The following ADCY2 variants were observed in gnomAD, a reference collection of about 807,000 sequenced individuals.
ADCY2 encodes the protein adenylate cyclase 2.
ADCY2 carries 31 observed loss-of-function variants against 125.2 expected under a neutral mutation model. The observed-to-expected ratio is 0.25, with a 90% confidence interval of 0.19 to 0.33. The LOEUF (loss-of-function observed/expected upper bound fraction) is 0.33. Among genes scored for constraint, ADCY2 ranks in the 10% least tolerant of loss-of-function variants. The probability of loss-of-function intolerance (pLI) is 1.00; values close to 1 mark genes in which losing one functional copy is unlikely to be tolerated. For synonymous variants in ADCY2, 512 were observed against 548.4 expected (o/e 0.93, Z 0.93); for missense variants, 904 against 1,418.2 (o/e 0.64, Z 5.82).
chr5:7,519,215 C>A (rs937474084), intron 2 of ADCY2, among the ~76,000 whole-genome samples: 3 of 152,168 alleles, frequency 2.0e-5, no homozygotes, highest in Non-Finnish European at 4.4e-5. Flanking sequence ...ATACGTGGTG[C>A]AGATTCCCAG....
intron 24 of ADCY2, among the ~76,000 whole-genome samples, chr5:7,824,278 G>C (rs981542724): frequency 3.3e-5 from 5 of 152,176 alleles, no homozygotes; most frequent in African/African-American, 1.2e-4. Context: ...CAACCCTGCG[G>C]CTTCTCCTAG....
At chr5:7,434,570 A>G (rs2126383859) in intron 2 of ADCY2, among the ~76,000 whole-genome samples, 1 of 152,348 alleles carries the variant, frequency 6.6e-6, no homozygotes, top group East Asian at 1.9e-4. Context: ...CAAGTGTAGG[A>G]CATATAAACT....
intron 23 of ADCY2, among the ~76,000 whole-genome samples, chr5:7,820,145 G>T (rs547588017): frequency 6.6e-6 from 1 of 152,304 alleles, no homozygotes; most frequent in Admixed American, 6.5e-5. Flanking sequence ...TACCTGCAAA[G>T]GTACTGCTTG....
At chr5:7,813,687 T>C (rs1450442873) in intron 22 of ADCY2, among the ~76,000 whole-genome samples, 1 of 152,240 alleles carries the variant, frequency 6.6e-6, no homozygotes, top group African/African-American at 2.4e-5. Flanking sequence ...TAAGCCCAAA[T>C]GACTTACTGA....
chr5:7,622,365 G>A (rs1196404789), intron 3 of ADCY2, among the ~76,000 whole-genome samples: 2 of 152,184 alleles, frequency 1.3e-5, no homozygotes, highest in Non-Finnish European at 2.9e-5. Context: ...ATACAAGGAT[G>A]AAACCGGGTA....
chr5:7,672,491 G>A (rs1050215949), intron 4 of ADCY2, among the ~76,000 whole-genome samples: 1 of 151,716 alleles, frequency 6.6e-6, no homozygotes, highest in Non-Finnish European at 1.5e-5. Context: ...TTTTTATATT[G>A]TTAGATGATT....
chr5:7,763,313 G>A (rs944526851), intron 16 of ADCY2, among the ~76,000 whole-genome samples: 1 of 151,562 alleles, frequency 6.6e-6, no homozygotes, highest in African/African-American at 2.4e-5. Flanking sequence ...AGATGGTCTC[G>A]ATCTCCTGAC....
chr5:7,457,259 C>T (rs1344526652), intron 2 of ADCY2, among the ~76,000 whole-genome samples: 1 of 152,180 alleles, frequency 6.6e-6, no homozygotes, highest in African/African-American at 2.4e-5. Flanking sequence ...AGTACTATAA[C>T]AAACCACCCC....
intron 14 of ADCY2, among the ~76,000 whole-genome samples, chr5:7,739,143 T>A (rs1742339032): frequency 6.6e-6 from 1 of 151,826 alleles, no homozygotes; most frequent in Non-Finnish European, 1.5e-5. Context: ...CCTACAAAGA[T>A]ATTACTTATA....
chr5:7,609,213 G>T (rs112344768), intron 3 of ADCY2, among the ~76,000 whole-genome samples: 3,809 of 152,220 alleles, frequency 0.025, 163 homozygotes, highest in African/African-American at 0.087. Context: ...TATATATCAA[G>T]GCATAACCCT....
chr5:7,674,335 A>G (rs570218820), intron 4 of ADCY2, among the ~76,000 whole-genome samples: 110 of 152,180 alleles, frequency 7.2e-4, no homozygotes, highest in African/African-American at 2.6e-3. Context: ...TTAGTGCTCT[A>G]TCTGCTTTGA....
chr5:7,414,723 G>C lies in ADCY2; in HGVS notation c.361G>C (p.Gly121Arg). ...LVIWICLVAM[G>R]YLFMCFGGTV... ...GATATGGATATGCCTTGTTGCCATG[G>C]GATACCTGTTCATGTGTTTTGGAGG... The change falls in exon 2 of 25, where the codon GGA becomes CGA. Residue 121 changes from glycine to arginine, a missense_variant. Physicochemically the swap from Gly to Arg is moderately radical, Grantham distance 125. Transcript: ENST00000338316. The C allele has an allele frequency of 6.2e-7, 1 of 1,613,560 alleles. No homozygotes were observed. The highest frequency in any genetic ancestry group is 8.5e-7 in the Non-Finnish European group (1 of 1,179,864).
intron 1 of ADCY2, among the ~76,000 whole-genome samples, chr5:7,398,708 A>G (rs1040746843): frequency 2.0e-5 from 3 of 152,228 alleles, no homozygotes; most frequent in African/African-American, 7.2e-5. Context: ...AGGGTTACTC[A>G]GTCTGATAGA....
chr5:7,541,846 A>C (rs1343506504), intron 3 of ADCY2, among the ~76,000 whole-genome samples: 1 of 152,220 alleles, frequency 6.6e-6, no homozygotes, highest in East Asian at 1.9e-4. Flanking sequence ...AATAATAAAA[A>C]TACATGTAAA....
chr5:7,580,445 T>C (rs1736393237), intron 3 of ADCY2, among the ~76,000 whole-genome samples: 1 of 152,170 alleles, frequency 6.6e-6, no homozygotes, highest in Non-Finnish European at 1.5e-5. Context: ...AAATTTGCAA[T>C]GTTAATATAT....
chr5:7,518,391 T>C (rs1463754678), intron 2 of ADCY2, among the ~76,000 whole-genome samples: 1 of 152,200 alleles, frequency 6.6e-6, no homozygotes, highest in Non-Finnish European at 1.5e-5. Context: ...AGCCAAACTT[T>C]GCATTTTTAT....
At chr5:7,713,230 C>T (rs567071736) in intron 11 of ADCY2, among the ~76,000 whole-genome samples, 172 of 152,162 alleles carry the variant, frequency 1.1e-3, no homozygotes, top group Non-Finnish European at 1.8e-3. Context: ...CATTTTTCTG[C>T]CTGTAATCCC....
chr5:7,782,302 T>A (rs1288348373), intron 18 of ADCY2: 1 of 166,848 alleles, frequency 6.0e-6, no homozygotes, highest in Non-Finnish European at 1.5e-5. Context: ...TAAACCAAGA[T>A]TCAAATGCAT....
At chr5:7,542,954 T>C (rs1268845985) in intron 3 of ADCY2, among the ~76,000 whole-genome samples, 2 of 152,234 alleles carry the variant, frequency 1.3e-5, no homozygotes, top group Non-Finnish European at 2.9e-5. Flanking sequence ...GCCATGTTTC[T>C]TCATAGCATG....
Sources: gnomAD v4.1 joint callset for allele counts (sites outside exome capture counted in the v4.1 genomes callset) on GRCh38, gnomAD v4.1.1 for gene constraint, MANE v1.5 for transcripts, NCBI Gene and HGNC (gene_info 2026-07-23, HGNC 2026-07-21) for gene names.